The following SUSD4 variants were observed in gnomAD, a reference collection of about 807,000 sequenced individuals.
SUSD4 encodes the protein sushi domain-containing protein 4.
SUSD4 carries 41 observed loss-of-function variants against 50.5 expected under a neutral mutation model. The ratio of observed to expected loss-of-function variants is 0.81; its 90% CI spans 0.63 to 1.05. The LOEUF (loss-of-function observed/expected upper bound fraction) is 1.05. Ranked by LOEUF, SUSD4 falls within the 50% of genes least tolerant of loss-of-function variation. The pLI is 0.00. For missense variants in SUSD4, 580 were observed against 634.7 expected, an observed-to-expected ratio of 0.91 and a Z score of 0.93; for synonymous variants, 257 against 257.3, an observed-to-expected ratio of 1.00 and a Z score of 0.01.
intron 5 of SUSD4, among the ~76,000 whole-genome samples, chr1:223,252,183 C>T (rs1409652525): frequency 2.1e-5 from 3 of 143,850 alleles, no homozygotes; most frequent in Non-Finnish European, 4.5e-5. Flanking sequence ...CAAACCTGCA[C>T]GTTGTGCACA....
At chr1:223,352,199 G>C (rs1668406309) in intron 2 of SUSD4, among the ~76,000 whole-genome samples, 1 of 152,234 alleles carries the variant, frequency 6.6e-6, no homozygotes, top group Non-Finnish European at 1.5e-5. Context: ...AAAGGCAACT[G>C]CTACAGAGAT....
intron 5 of SUSD4, chr1:223,235,209 A>G: frequency 8.1e-7 from 1 of 1,227,608 alleles, no homozygotes; most frequent in Non-Finnish European, 1.1e-6. Flanking sequence ...CTTTATTTTT[A>G]AGAGCAGTTT....
intron 2 of SUSD4, among the ~76,000 whole-genome samples, chr1:223,324,794 G>A (rs1002242469): frequency 7.9e-5 from 12 of 151,904 alleles, no homozygotes; most frequent in African/African-American, 2.9e-4. Flanking sequence ...CTTCATGAAT[G>A]AGGAAAGAGG....
At chr1:223,253,157 G>T (rs978286471) in intron 5 of SUSD4, among the ~76,000 whole-genome samples, 1 of 151,826 alleles carries the variant, frequency 6.6e-6, no homozygotes, top group African/African-American at 2.4e-5. Flanking sequence ...GAACAAACTG[G>T]CCAGAATGTA....
At chr1:223,354,095 G>T (rs145106920) in intron 2 of SUSD4, among the ~76,000 whole-genome samples, 1 of 151,676 alleles carries the variant, frequency 6.6e-6, no homozygotes, top group African/African-American at 2.4e-5. Context: ...GCTGAGCCTC[G>T]GACAGCTCTA....
At chr1:223,288,174 G>A (rs566559234) in intron 3 of SUSD4, among the ~76,000 whole-genome samples, 1 of 152,180 alleles carries the variant, frequency 6.6e-6, no homozygotes, top group African/African-American at 2.4e-5. Flanking sequence ...GGAGGTGATT[G>A]GATCAAGGCA....
At chr1:223,363,672 C>T (rs1228136135) in intron 1 of SUSD4, 3 of 498,944 alleles carry the variant, frequency 6.0e-6, no homozygotes, top group African/African-American at 1.9e-5. Flanking sequence ...GGATGCTGCG[C>T]GTGCTGGGGG....
At chr1:223,352,052 C>G (rs1668399567) in intron 2 of SUSD4, among the ~76,000 whole-genome samples, 1 of 152,148 alleles carries the variant, frequency 6.6e-6, no homozygotes. Context: ...GGCCAGGTAG[C>G]CAGCTCTGCT....
In SUSD4 at chr1:223,227,549, A is replaced by T. The variant is rs370888940; in HGVS notation, c.1061+45T>A. On this transcript the variant is annotated intron_variant, in intron 7 of 8. Coordinates refer to ENST00000366878, the MANE Select transcript of SUSD4 (RefSeq NM_017982.4). This position sits in a 1 kb window ranked among gnomAD's most constrained non-coding sequence, Gnocchi z 4.5. ...TCCCTCTGCTGCTAAGGGTAGCTGC[A>T]TTGAGTCAGACCTTGAGCCACAGCT... 1 of 1,599,998 alleles carries T rather than the reference A, an allele frequency of 6.3e-7. No homozygotes were observed. Among genetic ancestry groups the T allele is most frequent in the Non-Finnish European group, 8.6e-7 (1 of 1,169,252 alleles).
At chr1:223,281,517 A>C (rs945792306) in intron 3 of SUSD4, among the ~76,000 whole-genome samples, 3 of 152,110 alleles carry the variant, frequency 2.0e-5, no homozygotes, top group African/African-American at 7.2e-5. Flanking sequence ...CGACACATAC[A>C]CTCTCCCAAG....
chr1:223,351,354 C>A (rs1250131827), intron 2 of SUSD4, among the ~76,000 whole-genome samples: 2 of 152,250 alleles, frequency 1.3e-5, no homozygotes. Flanking sequence ...TGTCCAGGGG[C>A]AGCTTGCTCA....
chr1:223,362,005 A>G (rs1020107737), intron 2 of SUSD4, among the ~76,000 whole-genome samples: 1 of 152,214 alleles, frequency 6.6e-6, no homozygotes, highest in Non-Finnish European at 1.5e-5. Context: ...AAATCTCTAT[A>G]AAAAACTACA....
chr1:223,231,148 A>T lies in SUSD4; in HGVS notation c.725-1760T>A, dbSNP rs76845393. ...CCCGCGGGAACTGGAGCCCGGGGAAACTCAGACCCCGCTGGAGATGTCCCC... is the reference window on the plus strand; with the variant it reads ...CCCGCGGGAACTGGAGCCCGGGGAATCTCAGACCCCGCTGGAGATGTCCCC... On this transcript the variant is annotated intron_variant, in intron 5 of 8. Transcript: ENST00000366878. This position sits in a 1 kb window ranked among gnomAD's most constrained non-coding sequence, Gnocchi z 4.2. 0.026 allele frequency among the ~76,000 whole-genome samples: 3,887 copies of T among 152,102 alleles called. 98 individuals carry two copies. The highest frequency in any genetic ancestry group is 0.064 in the African/African-American group (2,649 of 41,478).
At chr1:223,286,111 ATTTTTTGT>A (rs370993777) in intron 3 of SUSD4, among the ~76,000 whole-genome samples, 3 of 152,012 alleles carry the variant, frequency 2.0e-5, no homozygotes, top group Non-Finnish European at 4.4e-5. Context: ...TGCCTGGCTA[ATTTTTTGT>A]TTTTTTGTTT....
chr1:223,358,595 A>C (rs1009014120), intron 2 of SUSD4, among the ~76,000 whole-genome samples: 3 of 152,198 alleles, frequency 2.0e-5, no homozygotes, highest in African/African-American at 7.2e-5. Context: ...TGTTTACTGG[A>C]GAGAGATCTT....
chr1:223,250,874 G>C (rs1310211340), intron 5 of SUSD4, among the ~76,000 whole-genome samples: 2 of 152,182 alleles, frequency 1.3e-5, no homozygotes, highest in East Asian at 3.9e-4. Flanking sequence ...GCCAACTGGG[G>C]TTTGGGAAGA....
In SUSD4 at chr1:223,268,656, G is replaced by A. The variant is rs776519802; in HGVS notation, c.381C>T (p.Ile127=). ...TCTTGTTATGAATCTCAGCATCTTC[G>A]ATTTGAGGGATACGGCAATCTGCAA... ...CVQEDCRIPQ[I]EDAEIHNKTY... The change falls in exon 4 of 9, where the codon ATC becomes ATT. Residue 127 remains isoleucine (I), a synonymous_variant. Transcript: ENST00000366878. 5.0e-6 allele frequency: 8 copies of A among 1,611,882 alleles called. No homozygotes were observed. The highest frequency in any genetic ancestry group is 2.2e-5 in the East Asian group (1 of 44,830).
intron 2 of SUSD4, among the ~76,000 whole-genome samples, chr1:223,305,529 T>A (rs1029882008): frequency 6.6e-6 from 1 of 152,210 alleles, no homozygotes; most frequent in Non-Finnish European, 1.5e-5. Context: ...AATTTAGTGC[T>A]ATGTCATTCC....
intron 2 of SUSD4, among the ~76,000 whole-genome samples, chr1:223,334,129 G>A (rs527431942): frequency 6.6e-6 from 1 of 152,098 alleles, no homozygotes; most frequent in East Asian, 1.9e-4. Context: ...AATATAGAAA[G>A]AAAATACTAT....
Sources: gnomAD v4.1 joint callset for allele counts (sites outside exome capture counted in the v4.1 genomes callset) on GRCh38, gnomAD v4.1.1 for gene constraint, Gnocchi (gnomAD v3.1) non-coding constraint, MANE v1.5 for transcripts, NCBI Gene and HGNC (gene_info 2026-07-23, HGNC 2026-07-21) for gene names.